Variants in ZC2HC1A observed in about 807,000 individuals in gnomAD.
ZC2HC1A encodes zinc finger C2HC domain-containing protein 1A.
In ZC2HC1A, 28 loss-of-function variants were observed where a neutral mutation model predicts 40.7. That is an observed-to-expected ratio of 0.69 (90% CI 0.51 to 0.94). The LOEUF is 0.94. Among genes scored for constraint, ZC2HC1A ranks in the 40% least tolerant of loss-of-function variants. The pLI, the probability that ZC2HC1A is intolerant of heterozygous loss-of-function variation, is 0.00. For synonymous variants in ZC2HC1A, 129 were observed against 129.2 expected (o/e 1.00, Z 0.01); for missense variants, 389 against 386.3 (o/e 1.01, Z -0.06).
At chr8:78,701,227 C>A (rs1810592471) in intron 7 of ZC2HC1A, among the ~76,000 whole-genome samples, 1 of 152,090 alleles carries the variant, frequency 6.6e-6, no homozygotes, top group South Asian at 2.1e-4. Context: ...TACCTGTATT[C>A]TTAGGTATTT....
intron 7 of ZC2HC1A, among the ~76,000 whole-genome samples, chr8:78,707,997 TG>T (rs1810830871): frequency 6.6e-6 from 1 of 152,170 alleles, no homozygotes; most frequent in Non-Finnish European, 1.5e-5. Flanking sequence ...AAAAAATTTT[TG>T]GTTAAGTGAA....
At chr8:78,693,909 G>A (rs896188575) in intron 5 of ZC2HC1A, among the ~76,000 whole-genome samples, 4 of 152,046 alleles carry the variant, frequency 2.6e-5, no homozygotes, top group Admixed American at 2.0e-4. Flanking sequence ...TAATTTTTGT[G>A]TAAGGTATAA....
At chr8:78,696,443 G>C (rs1274371644) in intron 5 of ZC2HC1A, among the ~76,000 whole-genome samples, 2 of 152,214 alleles carry the variant, frequency 1.3e-5, no homozygotes, top group African/African-American at 4.8e-5. Context: ...GCTAGAACCA[G>C]CATGAGTCTA....
chr8:78,711,781 G>C (rs1810957877), intron 7 of ZC2HC1A, among the ~76,000 whole-genome samples: 1 of 152,010 alleles, frequency 6.6e-6, no homozygotes, highest in South Asian at 2.1e-4. Flanking sequence ...AGGGTAGCCT[G>C]TGTAGTCAGA....
intron 1 of ZC2HC1A, among the ~76,000 whole-genome samples, chr8:78,675,526 C>G (rs978347864): frequency 4.0e-5 from 6 of 151,826 alleles, no homozygotes; most frequent in Admixed American, 3.3e-4. Context: ...AAAATAATTA[C>G]AAGAAAACTA....
At chr8:78,704,615 T>C (rs1014792968) in intron 7 of ZC2HC1A, among the ~76,000 whole-genome samples, 5 of 152,178 alleles carry the variant, frequency 3.3e-5, no homozygotes, top group African/African-American at 1.2e-4. Flanking sequence ...TGGGGTTCTC[T>C]ACATTTCCTG....
rs35861337 is a variant in ZC2HC1A at position 78,687,770 on chromosome 8, TTA to T, written c.352+1172_352+1173del. Reference sequence around the variant, plus strand: ...ACATTATATATATTTACGTAAGACATTATATATATATTTACGTAATACATTAT... The same window carrying T: ...ACATTATATATATTTACGTAAGACATTATATATATTTACGTAATACATTAT... On this transcript the variant is annotated intron_variant, in intron 4 of 8. Coordinates refer to ENST00000263849, the MANE Select transcript of ZC2HC1A (RefSeq NM_016010.3). Among the ~76,000 whole-genome samples the T allele has an allele frequency of 2.5e-3, 64 of 25,862 alleles. 11 individuals are homozygous for T. Among genetic ancestry groups the T allele is most frequent in the African/African-American group, 5.9e-3 (44 of 7,512 alleles). 17.0% of individuals were successfully genotyped at this position (25,862 alleles called of 152,430 possible). A position where few individuals can be genotyped will look rare whatever the true frequency, so the allele number is the denominator to read the frequency against.
rs1810501850 is a variant in ZC2HC1A, at chr8:78,698,460, C to CA, written c.654dup (p.Leu219ThrfsTer9). The CA allele has an allele frequency of 4.3e-6, 7 of 1,613,238 alleles. No homozygotes were observed. Among genetic ancestry groups the CA allele is most frequent in the Non-Finnish European group, 5.9e-6 (7 of 1,179,410 alleles). On this transcript the variant is annotated frameshift_variant, in exon 7 of 9. Coordinates refer to ENST00000263849, the MANE Select transcript of ZC2HC1A (RefSeq NM_016010.3). LOFTEE classifies it high-confidence loss of function. ...CTTCAAGTAGCAGCTCTTTGGGAAA[C>CA]AAACTTCAGACCTTATCTCCCTCTC...
intron 4 of ZC2HC1A, among the ~76,000 whole-genome samples, chr8:78,688,599 C>T (rs1444551420): frequency 6.6e-6 from 1 of 152,016 alleles, no homozygotes; most frequent in Non-Finnish European, 1.5e-5. Context: ...GGAATAATTT[C>T]AAAAGAAGTT....
Position 78,691,783 on chromosome 8 carries a change from T to C in ZC2HC1A, c.504+2410T>C, listed in dbSNP as rs575381051. On this transcript the variant is annotated intron_variant, in intron 5 of 8. Coordinates refer to ENST00000263849, the MANE Select transcript of ZC2HC1A (RefSeq NM_016010.3). ...ACTTACCCATATCTATGGATATTTT[T>C]ATTTACCTCTGACAGGTTTGTGCTA... Among the ~76,000 whole-genome samples the C allele has an allele frequency of 7.2e-5, 11 of 152,300 alleles. No individual in the cohort carries two copies. In the South Asian group the frequency reaches 2.3e-3, roughly 32 times the overall value.
At chr8:78,683,331 A>T (rs1038036207) in intron 3 of ZC2HC1A, among the ~76,000 whole-genome samples, 6 of 152,224 alleles carry the variant, frequency 3.9e-5, no homozygotes, top group Non-Finnish European at 7.3e-5. Flanking sequence ...CTTCCTGGAC[A>T]TCCAGGTGTT....
intron 1 of ZC2HC1A, among the ~76,000 whole-genome samples, 188 bp downstream of exon 1, chr8:78,666,352 C>T: frequency 6.6e-6 from 1 of 152,216 alleles, no homozygotes; most frequent in East Asian, 1.9e-4. Flanking sequence ...CTAACGCTAC[C>T]AGGCTGCCCC....
intron 3 of ZC2HC1A, among the ~76,000 whole-genome samples, chr8:78,680,501 A>G (rs1468929092): frequency 6.6e-6 from 1 of 152,172 alleles, no homozygotes; most frequent in African/African-American, 2.4e-5. Flanking sequence ...TATGCACATT[A>G]AAGTTTGAGA....
At chr8:78,675,459 G>C (rs1176755531) in intron 1 of ZC2HC1A, among the ~76,000 whole-genome samples, 1 of 151,768 alleles carries the variant, frequency 6.6e-6, no homozygotes, top group Non-Finnish European at 1.5e-5. Flanking sequence ...TTAAAATGTA[G>C]TAATTTACCA....
intron 1 of ZC2HC1A, among the ~76,000 whole-genome samples, chr8:78,669,438 G>A (rs760648739): frequency 3.3e-5 from 5 of 152,214 alleles, no homozygotes; most frequent in South Asian, 2.1e-4. Context: ...GTTAGATGGC[G>A]AAAATCACAA....
At chr8:78,677,494 T>C (rs1231032317) in intron 2 of ZC2HC1A, among the ~76,000 whole-genome samples, 2 of 152,196 alleles carry the variant, frequency 1.3e-5, no homozygotes, top group Non-Finnish European at 2.9e-5. Context: ...CCACCTGTCC[T>C]ATTATTTTGT....
rs1254635149 is a variant in ZC2HC1A, at chr8:78,718,103, A to G, written c.*610A>G. ...ATTTAAACATCTTACTTGTTTTGTAAAAGTGTAATTATGCAATTTCCTTTT... is the reference window on the plus strand; with the variant it reads ...ATTTAAACATCTTACTTGTTTTGTAGAAGTGTAATTATGCAATTTCCTTTT... On this transcript the variant is annotated 3_prime_UTR_variant, in exon 9 of 9. Coordinates refer to ENST00000263849, the MANE Select transcript of ZC2HC1A (RefSeq NM_016010.3). 6.6e-6 allele frequency: 1 copy of G among 152,070 alleles called. No homozygotes were observed. Among genetic ancestry groups the G allele is most frequent in the African/African-American group, 2.4e-5 (1 of 41,452 alleles). 9.4% of individuals were successfully genotyped at this position (152,070 alleles called of 1,614,324 possible). A position where few individuals can be genotyped will look rare whatever the true frequency, so the allele number is the denominator to read the frequency against.
At chr8:78,669,214 T>C (rs939659850) in intron 1 of ZC2HC1A, among the ~76,000 whole-genome samples, 28 of 152,344 alleles carry the variant, frequency 1.8e-4, no homozygotes, top group African/African-American at 6.5e-4. Context: ...GACAGTATAT[T>C]GGAGAGGACT....
At chr8:78,680,116 T>C (rs1809720787) in intron 3 of ZC2HC1A, among the ~76,000 whole-genome samples, 1 of 151,926 alleles carries the variant, frequency 6.6e-6, no homozygotes, top group Non-Finnish European at 1.5e-5. Context: ...GTATTTATCT[T>C]GTGTGGTTAT....
Sources: allele counts gnomAD v4.1 joint callset (sites outside exome capture counted in the v4.1 genomes callset), GRCh38; gene constraint gnomAD v4.1.1; transcripts MANE v1.5; gene names NCBI Gene and HGNC (gene_info 2026-07-23, HGNC 2026-07-21).